PLCB4: variants seen among roughly 807,000 people sequenced by gnomAD.
PLCB4 encodes the protein phospholipase C beta 4.
PLCB4 carries 77 observed loss-of-function variants against 178.8 expected under a neutral mutation model. The observed-to-expected ratio is 0.43, with a 90% CI of 0.36 to 0.52. The LOEUF (loss-of-function observed/expected upper bound fraction) is 0.52. PLCB4 is among the 20% of genes least tolerant of loss of function. The probability of loss-of-function intolerance (pLI) is 0.00; values close to 1 mark genes in which losing one functional copy is unlikely to be tolerated. For missense variants in PLCB4, 1,024 were observed against 1,453.4 expected (o/e 0.70, Z 4.80); for synonymous variants, 496 against 490.8 (o/e 1.01, Z -0.14).
chr20:9,140,345 T>C (rs1458460868), intron 2 of PLCB4, among the ~76,000 whole-genome samples: 1 of 152,140 alleles, frequency 6.6e-6, no homozygotes, highest in Non-Finnish European at 1.5e-5. Context: ...TACTTGATTA[T>C]GATCTGCCTC....
intron 4 of PLCB4, among the ~76,000 whole-genome samples, chr20:9,325,422 T>C (rs2030330076): frequency 1.3e-5 from 2 of 152,210 alleles, no homozygotes; most frequent in South Asian, 4.1e-4. Context: ...TTTTGCTTTC[T>C]CCTTCCTTCT....
chr20:9,079,533 G>T (rs1002367807), intron 1 of PLCB4, among the ~76,000 whole-genome samples: 1 of 152,102 alleles, frequency 6.6e-6, no homozygotes, highest in Non-Finnish European at 1.5e-5. Flanking sequence ...TCCATTAGCC[G>T]AACCCAGACA....
intron 2 of PLCB4, among the ~76,000 whole-genome samples, chr20:9,161,809 G>T (rs1201406138): frequency 6.6e-6 from 1 of 151,974 alleles, no homozygotes; most frequent in Non-Finnish European, 1.5e-5. Flanking sequence ...TCACTTTTTA[G>T]ATTCTACAAA....
intron 19 of PLCB4, among the ~76,000 whole-genome samples, chr20:9,398,600 A>G (rs2038785767): frequency 6.6e-6 from 1 of 152,188 alleles, no homozygotes; most frequent in Admixed American, 6.5e-5. Context: ...AACAATGTTA[A>G]TAATAATTAC....
rs1184330010 is a variant in PLCB4 at position 9,472,720 on chromosome 20, T to C, written c.3351-70T>C. On this transcript the variant is annotated intron_variant, in intron 36 of 39. Coordinates refer to ENST00000378473, the MANE Select transcript of PLCB4 (RefSeq NM_001377142.1). ...CAGAGAATTTGATGGAATATAGCTC[T>C]TTATTATTTGATATAATATTAATTT... 4.7e-6 allele frequency: 4 copies of C among 853,432 alleles called. No individual in the cohort carries two copies. In the African/African-American group the frequency reaches 5.3e-5, roughly 11 times the overall value. The allele number at this position is 853,432 out of a possible 1,614,324, so 52.9% of individuals were successfully genotyped here.
intron 10 of PLCB4, among the ~76,000 whole-genome samples, chr20:9,371,995 G>A (rs2036292518): frequency 6.6e-6 from 1 of 152,166 alleles, no homozygotes; most frequent in Non-Finnish European, 1.5e-5. Flanking sequence ...TCTCCCTCAA[G>A]GTGAGTTGGA....
intron 4 of PLCB4, among the ~76,000 whole-genome samples, chr20:9,333,231 A>G (rs1456176775): frequency 6.6e-6 from 1 of 152,172 alleles, no homozygotes; most frequent in African/African-American, 2.4e-5. Flanking sequence ...TAGAACACAA[A>G]GGTAAACAAG....
intron 2 of PLCB4, among the ~76,000 whole-genome samples, chr20:9,193,308 A>G (rs562910718): frequency 1.3e-5 from 2 of 152,342 alleles, no homozygotes; most frequent in South Asian, 4.1e-4. Flanking sequence ...AAAAACTACA[A>G]CTATGTGCAA....
Position 9,115,168 on chromosome 20 carries a change from A to G in PLCB4, c.-79+18826A>G, listed in dbSNP as rs144350379. On this transcript the variant is annotated intron_variant, in intron 2 of 39. Coordinates refer to ENST00000378473, the MANE Select transcript of PLCB4 (RefSeq NM_001377142.1). ...AACCTTATTCTAAGGGTTAGTTTCT[A>G]TGCTGAGAACAGTGGGTCTCTAGAC... 2.6e-5 allele frequency among the ~76,000 whole-genome samples: 4 copies of G among 152,270 alleles called. No individual in the cohort carries two copies. In the East Asian group the frequency reaches 7.7e-4, roughly 29 times the overall value.
intron 2 of PLCB4, among the ~76,000 whole-genome samples, chr20:9,147,824 C>T (rs368539468): frequency 9.2e-5 from 14 of 152,218 alleles, no homozygotes; most frequent in African/African-American, 3.4e-4. Flanking sequence ...AATGGCACCA[C>T]AAAGTTACGT....
rs548243899 is a variant in PLCB4 at position 9,224,833 on chromosome 20, C to T, written c.-16+7381C>T. Among the ~76,000 whole-genome samples the T allele has an allele frequency of 3.9e-5, 6 of 152,336 alleles. No homozygotes were observed. The South Asian group carries it at 1.2e-3, about 32-fold the overall frequency. The stretch of plus-strand genomic sequence containing the variant: ...AACAGTTGCTAAGCTCAACATTCTA[C>T]CAAATACTGTTCGCCCTGGTTTTCA... On this transcript the variant is annotated intron_variant, in intron 3 of 39. Coordinates refer to ENST00000378473, the MANE Select transcript of PLCB4 (RefSeq NM_001377142.1).
At chr20:9,307,491 G>A (rs915248142) in intron 3 of PLCB4, among the ~76,000 whole-genome samples, 14 of 79,040 alleles carry the variant, frequency 1.8e-4, no homozygotes, top group Admixed American at 3.1e-4. Flanking sequence ...TTTAAAAAAA[G>A]AATACACACA....
intron 4 of PLCB4, 37 bp from the exon 5 acceptor site, chr20:9,337,089 T>C (rs754477861): frequency 7.6e-7 from 1 of 1,307,248 alleles, no homozygotes; most frequent in Non-Finnish European, 1.1e-6. Context: ...TTCAAAATGG[T>C]GTGAGTCATG....
In PLCB4 at chr20:9,408,956, G is replaced by A. The variant is rs1189460680; in HGVS notation, c.1875-101G>A. ...GAAATCTGCTCTGTGCTGTCTACTT[G>A]TTTGTCATTGTTGGCCTAGACCTTT... is the stretch of plus-strand genomic sequence containing the variant. On this transcript the variant is annotated intron_variant, in intron 23 of 39. Coordinates refer to ENST00000378473, the MANE Select transcript of PLCB4 (RefSeq NM_001377142.1). 5.3e-5 allele frequency: 55 copies of A among 1,033,286 alleles called. 1 individual carries two copies. The Admixed American group carries it at 1.3e-3, about 25-fold the overall frequency. 64.0% of individuals were successfully genotyped at this position (1,033,286 alleles called of 1,614,324 possible). A position where few individuals can be genotyped will look rare whatever the true frequency, so the allele number is the denominator to read the frequency against.
chr20:9,178,037 G>A (rs966883963), intron 2 of PLCB4, among the ~76,000 whole-genome samples: 2 of 152,144 alleles, frequency 1.3e-5, no homozygotes, highest in African/African-American at 2.4e-5. Flanking sequence ...AAATAATTTT[G>A]GCCAGGCCAG....
chr20:9,074,642 T>G (rs193023172), intron 1 of PLCB4, among the ~76,000 whole-genome samples: 103 of 152,280 alleles, frequency 6.8e-4, no homozygotes, highest in African/African-American at 2.4e-3. Flanking sequence ...GATCTTCCTT[T>G]GGACTTGCCA....
intron 3 of PLCB4, among the ~76,000 whole-genome samples, chr20:9,260,963 T>G (rs1399758917): frequency 6.6e-6 from 1 of 152,150 alleles, no homozygotes; most frequent in Non-Finnish European, 1.5e-5. Flanking sequence ...TTAAAGCCAT[T>G]ATTTTTCTTC....
intron 4 of PLCB4, among the ~76,000 whole-genome samples, chr20:9,320,250 T>C (rs2094944954): frequency 6.6e-6 from 1 of 152,204 alleles, no homozygotes; most frequent in Admixed American, 6.5e-5. Flanking sequence ...GTTCCTCCCC[T>C]TTTTAGACTA....
intron 1 of PLCB4, among the ~76,000 whole-genome samples, chr20:9,074,674 C>G (rs2146477899): frequency 6.6e-6 from 1 of 152,162 alleles, no homozygotes; most frequent in South Asian, 2.1e-4. Context: ...TGCATTTGGA[C>G]AGAGGGACCT....
Sources: allele counts gnomAD v4.1 joint callset (sites outside exome capture counted in the v4.1 genomes callset), GRCh38; gene constraint gnomAD v4.1.1; transcripts MANE v1.5; gene names NCBI Gene and HGNC (gene_info 2026-07-23, HGNC 2026-07-21).